NFIX: variants seen among roughly 807,000 people sequenced by gnomAD.
NFIX encodes the protein nuclear factor I X.
In NFIX, 2 loss-of-function variants were observed where a neutral mutation model predicts 53.3. That is an observed-to-expected ratio of 0.04 (90% CI 0.02 to 0.12). The LOEUF (loss-of-function observed/expected upper bound fraction) is 0.12. Among genes scored for constraint, NFIX ranks in the 10% least tolerant of loss-of-function variants. The probability of loss-of-function intolerance (pLI) is 1.00; values close to 1 mark genes in which losing one functional copy is unlikely to be tolerated. For synonymous variants in NFIX, 244 were observed against 289.0 expected (o/e 0.84, Z 1.58); for missense variants, 310 against 674.5 (o/e 0.46, Z 5.99).
intron 8 of NFIX, among the ~76,000 whole-genome samples, chr19:13,083,862 G>C (rs1448919228): frequency 1.3e-5 from 2 of 152,232 alleles, no homozygotes; most frequent in Non-Finnish European, 2.9e-5. Context: ...CAGAGGGCCC[G>C]GCTCCGCCAC....
Position 13,011,987 on chromosome 19 carries a change from C to T in NFIX, c.28-13034C>T, listed in dbSNP as rs1444643377. Among the ~76,000 whole-genome samples the T allele has an allele frequency of 6.6e-6, 1 of 152,050 alleles. No homozygotes were observed. The highest frequency in any genetic ancestry group is 1.5e-5 in the Non-Finnish European group (1 of 68,004). On this transcript the variant is annotated intron_variant, in intron 1 of 10. Coordinates refer to ENST00000592199, the MANE Select transcript of NFIX (RefSeq NM_001365902.3). This position sits in a 1 kb window ranked among gnomAD's most constrained non-coding sequence, Gnocchi z 6.5. Reference sequence around the variant, plus strand: ...ATGTCGCGGGCAAAATGGGTGCTGACGGTCACTGTCACTTGCATCGCACAC... The same window carrying T: ...ATGTCGCGGGCAAAATGGGTGCTGATGGTCACTGTCACTTGCATCGCACAC...
rs1397107554 is a variant in NFIX at position 13,090,478 on chromosome 19, G to C, written c.1494+88G>C. The C allele has an allele frequency of 1.6e-6, 2 of 1,258,116 alleles. No homozygotes were observed. Among genetic ancestry groups the C allele is most frequent in the Non-Finnish European group, 2.3e-6 (2 of 861,582 alleles). The allele number at this position is 1,258,116 out of a possible 1,614,324, so 77.9% of individuals were successfully genotyped here. ...TCTTGGTGTTAGGGAAGAGCCTGGA[G>C]TCCTTGGGGCTAACAGGGAGAGAGA... On this transcript the variant is annotated intron_variant, in intron 10 of 10. Transcript: ENST00000592199. The surrounding 1 kb of genome is among the most constrained non-coding windows in gnomAD (Gnocchi z 6.6).
In NFIX at chr19:13,025,059, C is replaced by T. The variant is rs770391394; in HGVS notation, c.66C>T (p.His22=). 6.2e-6 allele frequency: 10 copies of T among 1,613,736 alleles called. No homozygotes were observed. Among genetic ancestry groups the T allele is most frequent in the South Asian group, 2.2e-5 (2 of 91,018 alleles). ...CGTTCATCGAGGCACTGCTGCCTCA[C>T]GTCCGCGCTTTCTCCTACACCTGGT... is the stretch of plus-strand genomic sequence containing the variant. ...FHPFIEALLP[H]VRAFSYTWFN... The change falls in exon 2 of 11, where the codon CAC becomes CAT. Residue 22 remains histidine, a synonymous_variant. Transcript: ENST00000592199. The surrounding 1 kb of genome is among the most constrained non-coding windows in gnomAD (Gnocchi z 7.5).
rs554770916 is a variant in NFIX, at chr19:13,021,203, C to A, written c.28-3818C>A. Reference sequence around the variant, plus strand: ...GAGCTAACATCTTTGGCTGATTGGACTGAAGCTGGTTATTAACATGATGTG... The same window carrying A: ...GAGCTAACATCTTTGGCTGATTGGAATGAAGCTGGTTATTAACATGATGTG... On this transcript the variant is annotated intron_variant, in intron 1 of 10. Coordinates refer to ENST00000592199, the MANE Select transcript of NFIX (RefSeq NM_001365902.3). This position sits in a 1 kb window ranked among gnomAD's most constrained non-coding sequence, Gnocchi z 4.2. Among the ~76,000 whole-genome samples the A allele has an allele frequency of 1.4e-4, 21 of 152,218 alleles. No individual in the cohort carries two copies. In the South Asian group the frequency reaches 4.1e-3, roughly 30 times the overall value.
intron 1 of NFIX, among the ~76,000 whole-genome samples, chr19:13,023,632 T>A (rs912067466): frequency 2.5e-5 from 3 of 120,018 alleles, no homozygotes; most frequent in African/African-American, 8.2e-5. Flanking sequence ...ATTTTTTTCT[T>A]TTTTTTTTTT....
intron 2 of NFIX, among the ~76,000 whole-genome samples, chr19:13,050,513 T>C (rs1385620228): frequency 4.6e-5 from 7 of 152,154 alleles, no homozygotes; most frequent in African/African-American, 1.7e-4. Context: ...GCTCTGTATC[T>C]GTGTGGTTCC....
chr19:13,066,615 C>A lies in NFIX; in HGVS notation c.560-6432C>A, dbSNP rs912623653. 1.3e-5 allele frequency among the ~76,000 whole-genome samples: 2 copies of A among 152,178 alleles called. No individual in the cohort carries two copies. Among genetic ancestry groups the A allele is most frequent in the African/African-American group, 4.8e-5 (2 of 41,436 alleles). On this transcript the variant is annotated intron_variant, in intron 2 of 10. Transcript: ENST00000592199. This position sits in a 1 kb window ranked among gnomAD's most constrained non-coding sequence, Gnocchi z 4.2. Reference sequence around the variant, plus strand: ...TCCCCTGTCCTTATCCCTGCCCCCACCCACAGCTTGCGGGCTCTGCTTCTT... The same window carrying A: ...TCCCCTGTCCTTATCCCTGCCCCCAACCACAGCTTGCGGGCTCTGCTTCTT...
rs1264863326 is a variant in NFIX at position 13,089,070 on chromosome 19, G to A, written c.1402+934G>A. Among the ~76,000 whole-genome samples the A allele has an allele frequency of 6.6e-6, 1 of 152,036 alleles. No individual in the cohort carries two copies. Among genetic ancestry groups the A allele is most frequent in the African/African-American group, 2.4e-5 (1 of 41,368 alleles). Reference sequence around the variant, plus strand: ...GCCCATCTCACACTGCTCTCCGCTCGCTTTGTCTCTCCTCCTTTCTCGTGG... The same window carrying A: ...GCCCATCTCACACTGCTCTCCGCTCACTTTGTCTCTCCTCCTTTCTCGTGG... On this transcript the variant is annotated intron_variant, in intron 9 of 10. Coordinates refer to ENST00000592199, the MANE Select transcript of NFIX (RefSeq NM_001365902.3). This position sits in a 1 kb window ranked among gnomAD's most constrained non-coding sequence, Gnocchi z 4.8.
In NFIX at chr19:13,045,711, G is replaced by C. The variant is rs1441645532; in HGVS notation, c.559+20159G>C. Among the ~76,000 whole-genome samples the C allele has an allele frequency of 6.6e-6, 1 of 152,140 alleles. No homozygotes were observed. The highest frequency in any genetic ancestry group is 1.5e-5 in the Non-Finnish European group (1 of 68,008). On this transcript the variant is annotated intron_variant, in intron 2 of 10. Transcript: ENST00000592199. This position sits in a 1 kb window ranked among gnomAD's most constrained non-coding sequence, Gnocchi z 4.4. Reference sequence around the variant, plus strand: ...GTGTTGACCCCATGGCGGGCATCAGGGGACCACAGGCTGTGGTTGCGCCTG... The same window carrying C: ...GTGTTGACCCCATGGCGGGCATCAGCGGACCACAGGCTGTGGTTGCGCCTG...
chr19:13,028,829 C>T lies in NFIX; in HGVS notation c.559+3277C>T, dbSNP rs1026853578. ...CTCTGCTTGTGTGAGAAAGGATGGC[C>T]GAGCTGGCCTAGAACCGCTGCTAGA... On this transcript the variant is annotated intron_variant, in intron 2 of 10. Transcript: ENST00000592199. This position sits in a 1 kb window ranked among gnomAD's most constrained non-coding sequence, Gnocchi z 4.2. Among the ~76,000 whole-genome samples, 8 of 152,148 alleles carry T rather than the reference C, an allele frequency of 5.3e-5. No individual in the cohort carries two copies. Among genetic ancestry groups the T allele is most frequent in the East Asian group, 1.9e-4 (1 of 5,172 alleles).
intron 6 of NFIX, among the ~76,000 whole-genome samples, chr19:13,077,313 G>A (rs1055031507): frequency 6.6e-6 from 1 of 152,184 alleles, no homozygotes; most frequent in East Asian, 1.9e-4. Context: ...GTCCTGCCAC[G>A]CACGGCCCCT....
rs376478205 is a variant in NFIX at position 13,089,553 on chromosome 19, G to A, written c.1403-746G>A. The stretch of plus-strand genomic sequence containing the variant: ...GAACCACAGGCCTGTTGGACCTGGT[G>A]CATCAGTCAGAGGAGGAGAATGCCA... On this transcript the variant is annotated intron_variant, in intron 9 of 10. Transcript: ENST00000592199. The surrounding 1 kb of genome is among the most constrained non-coding windows in gnomAD (Gnocchi z 4.8). 6.6e-6 allele frequency among the ~76,000 whole-genome samples: 1 copy of A among 152,206 alleles called. No homozygotes were observed. Among genetic ancestry groups the A allele is most frequent in the Non-Finnish European group, 1.5e-5 (1 of 68,018 alleles).
chr19:13,052,979 A>C lies in NFIX; in HGVS notation c.560-20068A>C, dbSNP rs1349972338. Among the ~76,000 whole-genome samples, 3 of 152,192 alleles carry C rather than the reference A, an allele frequency of 2.0e-5. No individual in the cohort carries two copies. Among genetic ancestry groups the C allele is most frequent in the Non-Finnish European group, 2.9e-5 (2 of 68,028 alleles). ...TCCATCCCCACTTGAAGCTGCTGGT[A>C]CTGCCTCTGGCCATCCAGCCTTAAG... On this transcript the variant is annotated intron_variant, in intron 2 of 10. Transcript: ENST00000592199. The surrounding 1 kb of genome is among the most constrained non-coding windows in gnomAD (Gnocchi z 5.2).
Position 13,040,884 on chromosome 19 carries a change from G to A in NFIX, c.559+15332G>A, listed in dbSNP as rs993206613. The stretch of plus-strand genomic sequence containing the variant: ...TTCCAGTAGTTTTTGAGTGAATTCC[G>A]AGCACTCCACTTTCTACCTTAAGAC... On this transcript the variant is annotated intron_variant, in intron 2 of 10. Coordinates refer to ENST00000592199, the MANE Select transcript of NFIX (RefSeq NM_001365902.3). This position sits in a 1 kb window ranked among gnomAD's most constrained non-coding sequence, Gnocchi z 4.2. Among the ~76,000 whole-genome samples the A allele has an allele frequency of 4.5e-4, 69 of 152,040 alleles. No individual in the cohort carries two copies. Among genetic ancestry groups the A allele is most frequent in the African/African-American group, 1.6e-3 (65 of 41,380 alleles).
In NFIX at chr19:13,072,829, GC is replaced by G. The variant is rs1412935885; in HGVS notation, c.560-217del. Among the ~76,000 whole-genome samples the G allele has an allele frequency of 1.3e-5, 2 of 152,222 alleles. No homozygotes were observed. The highest frequency in any genetic ancestry group is 2.9e-5 in the Non-Finnish European group (2 of 68,048). The stretch of plus-strand genomic sequence containing the variant: ...GCAATCCAGGCCAAATGTCAGCAGT[GC>G]TGAGGCTGAGAAACCTGCACTGGGC... On this transcript the variant is annotated intron_variant, in intron 2 of 10. Transcript: ENST00000592199. This position sits in a 1 kb window ranked among gnomAD's most constrained non-coding sequence, Gnocchi z 4.0.
chr19:13,053,999 C>A (rs939672018), intron 2 of NFIX, among the ~76,000 whole-genome samples: 1 of 152,222 alleles, frequency 6.6e-6, no homozygotes. Context: ...CTGCGGCCAG[C>A]GGCATTCTTT....
rs1258616428 is a variant in NFIX, at chr19:13,022,301, G to A, written c.28-2720G>A. 1.3e-5 allele frequency among the ~76,000 whole-genome samples: 2 copies of A among 152,182 alleles called. No homozygotes were observed. The highest frequency in any genetic ancestry group is 2.4e-5 in the African/African-American group (1 of 41,446). On this transcript the variant is annotated intron_variant, in intron 1 of 10. Coordinates refer to ENST00000592199, the MANE Select transcript of NFIX (RefSeq NM_001365902.3). The surrounding 1 kb of genome is among the most constrained non-coding windows in gnomAD (Gnocchi z 4.5). The stretch of plus-strand genomic sequence containing the variant: ...CCTCGTCACCGCTAATGGAGTGTGC[G>A]TGGCTGGGTGTGGGCCGAAGGAGGA...
At chr19:13,044,150 A>G (rs1331473924) in intron 2 of NFIX, among the ~76,000 whole-genome samples, 1 of 151,570 alleles carries the variant, frequency 6.6e-6, no homozygotes, top group Non-Finnish European at 1.5e-5. Flanking sequence ...CTGCCTCAAG[A>G]CTCCTGAGGC....
At chr19:13,056,668 C>G (rs2015715293) in intron 2 of NFIX, among the ~76,000 whole-genome samples, 1 of 152,246 alleles carries the variant, frequency 6.6e-6, no homozygotes, top group South Asian at 2.1e-4. Flanking sequence ...GGGTGAAAAC[C>G]TGGCTTAGCT....
Sources: allele counts gnomAD v4.1 joint callset (sites outside exome capture counted in the v4.1 genomes callset), GRCh38; gene constraint gnomAD v4.1.1; non-coding constraint Gnocchi (gnomAD v3.1); transcripts MANE v1.5; gene names NCBI Gene and HGNC (gene_info 2026-07-23, HGNC 2026-07-21).